The following CARD14 variants were observed in gnomAD, a reference collection of about 807,000 sequenced individuals.
CARD14 encodes caspase recruitment domain family member 14, also known as caspase recruitment domain-containing protein 14.
In CARD14, 107 loss-of-function variants were observed where a neutral mutation model predicts 111.5. That is an observed-to-expected ratio of 0.96 (90% CI 0.82 to 1.13). CARD14 has a LOEUF of 1.13. Ranked by LOEUF, CARD14 falls within the 50% of genes most tolerant of loss-of-function variation. The pLI is 0.00. For synonymous variants in CARD14, 617 were observed against 579.6 expected (o/e 1.06, Z -0.93); for missense variants, 1,322 against 1,362.3 (o/e 0.97, Z 0.47).
rs1298476908 is a variant in CARD14 at position 80,182,734 on chromosome 17, A to T, written c.293A>T (p.Asp98Val). The change falls in exon 6 of 24, where the codon GAC (aspartate) becomes GTC (valine). Residue 98 changes from aspartate (D) to valine (V), a missense_variant. Coordinates refer to ENST00000648509, the MANE Select transcript of CARD14 (RefSeq NM_001366385.1). This position sits in a 1 kb window ranked among gnomAD's most constrained non-coding sequence, Gnocchi z 4.7. ...GAGAGCCTGAAGTTCCACAACCCTG[A>T]CGTCTACACCCTGGTCACCGGGCTG... ...FLESLKFHNPDVYTLVTGLQP... is the reference protein window; with the variant it reads ...FLESLKFHNPVVYTLVTGLQP... The T allele has an allele frequency of 8.1e-6, 13 of 1,614,136 alleles. No individual in the cohort carries two copies. Among genetic ancestry groups the T allele is most frequent in the Non-Finnish European group, 1.1e-5 (13 of 1,180,010 alleles).
In CARD14 at chr17:80,198,105, C is replaced by T. The variant is rs754219698; in HGVS notation, c.1601C>T (p.Pro534Leu). ...DYELLDTADL[P>L]QLESSLQPVS... ...GCTCTTGGCTTCCTCCCAGACCTTC[C>T]GCAGCTGGAAAGCAGCCTGCAGCCA... is the stretch of plus-strand genomic sequence containing the variant. The change falls in exon 15 of 24, where the codon CCG (proline) becomes CTG (leucine). Residue 534 changes from proline (P) to leucine (L), a missense_variant. Coordinates refer to ENST00000648509, the MANE Select transcript of CARD14 (RefSeq NM_001366385.1). The surrounding 1 kb of genome is among the most constrained non-coding windows in gnomAD (Gnocchi z 7.5). 1.8e-5 allele frequency: 29 copies of T among 1,613,326 alleles called. No individual in the cohort carries two copies. Among genetic ancestry groups the T allele is most frequent in the Middle Eastern group, 1.7e-4 (1 of 5,984 alleles).
Position 80,184,179 on chromosome 17 carries a change from A to T in CARD14, c.616A>T (p.Ser206Cys). ...GATGCTCAGCCTCTCGCTGCACTATAGCAATGCGCTGCAGGAGAAGGAGCT... is the reference window on the plus strand; with the variant it reads ...GATGCTCAGCCTCTCGCTGCACTATTGCAATGCGCTGCAGGAGAAGGAGCT... Reference protein sequence around the residue: ...DEMLSLSLHYSNALQEKELAA... With the variant: ...DEMLSLSLHYCNALQEKELAA... Residue 206 changes from serine to cysteine, a missense_variant, in exon 7 of 24, where the codon AGC (serine) becomes TGC (cysteine). Physicochemically the swap from Ser to Cys is moderately radical, Grantham distance 112 (BLOSUM62 -1). Transcript: ENST00000648509. 6.4e-7 allele frequency: 1 copy of T among 1,562,248 alleles called. No individual in the cohort carries two copies. The highest frequency in any genetic ancestry group is 8.7e-7 in the Non-Finnish European group (1 of 1,153,338).
chr17:80,174,122 G>A (rs1011251903), intron 2 of CARD14, among the ~76,000 whole-genome samples: 1 of 152,116 alleles, frequency 6.6e-6, no homozygotes, highest in East Asian at 1.9e-4. Context: ...AGGAGTGCTT[G>A]AGCCCAGGAG....
chr17:80,205,635 G>T lies in CARD14; in HGVS notation c.2674G>T (p.Glu892Ter). The T allele has an allele frequency of 6.6e-7, 1 of 1,520,604 alleles. No homozygotes were observed. Among genetic ancestry groups the T allele is most frequent in the East Asian group, 2.5e-5 (1 of 40,154 alleles). 94.2% of individuals were successfully genotyped at this position (1,520,604 alleles called of 1,614,324 possible). The change falls in exon 22 of 24, where the codon GAG becomes TAG. Residue 892 changes from glutamate (E) to a stop codon, truncating the protein, a stop_gained. Transcript: ENST00000648509. LOFTEE classifies it high-confidence loss of function. The stretch of plus-strand genomic sequence containing the variant: ...CTGCTGGGTGACCCGCCATGCTGTG[G>T]AGTCCCTCATGGAAAAGGTGAGGTC... ...GRCWVTRHAV[E>*]SLMEKNTHAL...
At chr17:80,200,522 C>T (rs1419098371) in intron 16 of CARD14, among the ~76,000 whole-genome samples, 2 of 152,076 alleles carry the variant, frequency 1.3e-5, no homozygotes, top group Non-Finnish European at 2.9e-5. Context: ...CAGGCATCAG[C>T]CACCATGCCC....
Position 80,178,934 on chromosome 17 carries a change from C to T in CARD14, c.-218-170C>T, listed in dbSNP as rs149195866. Among the ~76,000 whole-genome samples, 20 of 152,232 alleles carry T rather than the reference C, an allele frequency of 1.3e-4. No individual in the cohort carries two copies. The East Asian group carries it at 2.5e-3, about 19-fold the overall frequency. Reference sequence around the variant, plus strand: ...CTAATTTTTGTATTTTCAATAGAGACGGGTTTCCACCATGTTGGTCAGGCT... The same window carrying T: ...CTAATTTTTGTATTTTCAATAGAGATGGGTTTCCACCATGTTGGTCAGGCT... On this transcript the variant is annotated intron_variant, in intron 3 of 23. Coordinates refer to ENST00000648509, the MANE Select transcript of CARD14 (RefSeq NM_001366385.1).
intron 7 of CARD14, chr17:80,187,987 A>G: frequency 1.0e-6 from 1 of 987,188 alleles, no homozygotes; most frequent in African/African-American, 1.7e-5. Flanking sequence ...CATGACTCCA[A>G]ATTCCCTTTC....
chr17:80,186,052 C>T (rs1225339975), intron 7 of CARD14, among the ~76,000 whole-genome samples: 4 of 152,232 alleles, frequency 2.6e-5, no homozygotes, highest in Non-Finnish European at 2.9e-5. Flanking sequence ...GGGTGTGGGG[C>T]GCTGAGACCA....
chr17:80,190,341 G>T (rs372630039), intron 9 of CARD14, among the ~76,000 whole-genome samples: 1 of 152,060 alleles, frequency 6.6e-6, no homozygotes, highest in Non-Finnish European at 1.5e-5. Context: ...GAGGCCGGGC[G>T]CGGTGGCCCA....
Position 80,189,385 on chromosome 17 carries a change from T to C in CARD14, c.844-368T>C, listed in dbSNP as rs1260767572. Among the ~76,000 whole-genome samples, 1 of 152,172 alleles carries C rather than the reference T, an allele frequency of 6.6e-6. No individual in the cohort carries two copies. Among genetic ancestry groups the C allele is most frequent in the East Asian group, 1.9e-4 (1 of 5,192 alleles). On this transcript the variant is annotated intron_variant, in intron 8 of 23. Transcript: ENST00000648509. This position sits in a 1 kb window ranked among gnomAD's most constrained non-coding sequence, Gnocchi z 4.7. ...TGGCCATCTTGCAGCCCGGATTGTG[T>C]CTCTGTTTATAAGCTCCTTCCTGGG...
rs759612018 is a variant in CARD14, at chr17:80,205,058, G to A, written c.2422G>A (p.Glu808Lys). 3.7e-5 allele frequency: 60 copies of A among 1,605,186 alleles called. No homozygotes were observed. The highest frequency in any genetic ancestry group is 5.1e-5 in the Admixed American group (3 of 59,290). Residue 808 changes from glutamate to lysine, a missense_variant, in exon 21 of 24, where the codon GAG (glutamate) becomes AAG (lysine). By Grantham distance (56) the Glu-to-Lys change is moderately conservative. Transcript: ENST00000648509. ...MEGSSTCFWAESCLTLVPYTL... is the reference protein window; with the variant it reads ...MEGSSTCFWAKSCLTLVPYTL... ...AGGCTCCAGCACGTGCTTCTGGGCCGAGAGCTGCCTCACCCTGGTGCCCTA... is the reference window on the plus strand; with the variant it reads ...AGGCTCCAGCACGTGCTTCTGGGCCAAGAGCTGCCTCACCCTGGTGCCCTA...
At position 80,203,562 on chromosome 17, in the gene CARD14, C is replaced by T; in HGVS notation, c.2220-260C>T. ...CTGTACGCTGGCTGCTCAACAGCAC[C>T]CCCTGGGTCCCGCCCCAGGACAAGT... On this transcript the variant is annotated intron_variant, in intron 18 of 23. Coordinates refer to ENST00000648509, the MANE Select transcript of CARD14 (RefSeq NM_001366385.1). This position sits in a 1 kb window ranked among gnomAD's most constrained non-coding sequence, Gnocchi z 4.6. 2.2e-6 allele frequency: 1 copy of T among 444,876 alleles called. No homozygotes were observed. The highest frequency in any genetic ancestry group is 4.0e-6 in the Non-Finnish European group (1 of 250,828). The allele number at this position is 444,876 out of a possible 1,614,324, so 27.6% of individuals were successfully genotyped here.
chr17:80,202,409 C>T lies in CARD14; in HGVS notation c.2208C>T (p.Pro736=). The change falls in exon 18 of 24, where the codon CCC becomes CCT. Residue 736 remains proline, a synonymous_variant. Coordinates refer to ENST00000648509, the MANE Select transcript of CARD14 (RefSeq NM_001366385.1). ...MKDTAAHGTI[P]NYSRAQQQLI... is the part of the protein sequence containing the mutation. Reference sequence around the variant, plus strand: ...ATACTGCCGCGCACGGCACCATCCCCAACTACTCCAGGTGAGCAGCTGCCT... The same window carrying T: ...ATACTGCCGCGCACGGCACCATCCCTAACTACTCCAGGTGAGCAGCTGCCT... The T allele has an allele frequency of 6.2e-7, 1 of 1,611,738 alleles. No individual in the cohort carries two copies. The highest frequency in any genetic ancestry group is 8.5e-7 in the Non-Finnish European group (1 of 1,179,008).
At chr17:80,184,262 GCGC>G (rs775768405) in intron 7 of CARD14, 24 bp downstream of exon 7, 26 of 1,486,138 alleles carry the variant, frequency 1.7e-5, no homozygotes, top group Non-Finnish European at 1.1e-5. Context: ...CTGCACCCCG[GCGC>G]GACCCTGCTG....
intron 10 of CARD14, 136 bp downstream of exon 10, chr17:80,191,035 A>AT (rs2040509595): frequency 5.6e-6 from 7 of 1,257,694 alleles, no homozygotes; most frequent in Non-Finnish European, 7.6e-6. Flanking sequence ...TCCTCGGTCC[A>AT]CACGAAGTTT....
chr17:80,193,415 C>CAGACAGTCCCCAG (rs1567884700), intron 12 of CARD14, among the ~76,000 whole-genome samples: 12 of 150,904 alleles, frequency 8.0e-5, no homozygotes, highest in African/African-American at 2.4e-4. Context: ...CAACCTGGCA[C>CAGACAGTCCCCAG]ACATGGTCCC....
chr17:80,191,236 C>A, intron 10 of CARD14, 87 bp from the exon 11 acceptor site: 2 of 1,503,132 alleles, frequency 1.3e-6, no homozygotes, highest in Non-Finnish European at 9.1e-7. Flanking sequence ...GTCAGATGAG[C>A]GCAGGCTAGA....
chr17:80,190,266 T>A (rs2040479099), intron 9 of CARD14, among the ~76,000 whole-genome samples: 1 of 152,104 alleles, frequency 6.6e-6, no homozygotes. Context: ...TTGTTTTAAT[T>A]CAGACGTAAT....
rs1437047924 is a variant in CARD14, at chr17:80,205,377, CG to C, written c.2570-150del. The C allele has an allele frequency of 3.4e-5, 40 of 1,189,322 alleles. No individual in the cohort carries two copies. The African/African-American group carries it at 4.4e-4, about 13-fold the overall frequency. 73.7% of individuals were successfully genotyped at this position (1,189,322 alleles called of 1,614,324 possible). ...CAGGATGGAGGTGCAGGGCACAGAG[CG>C]GGGTGTGCAGGGTCAGGTTTGTAAA... On this transcript the variant is annotated intron_variant, in intron 21 of 23. Transcript: ENST00000648509.
Sources: allele counts gnomAD v4.1 joint callset (sites outside exome capture counted in the v4.1 genomes callset), GRCh38; gene constraint gnomAD v4.1.1; non-coding constraint Gnocchi (gnomAD v3.1); transcripts MANE v1.5; gene names NCBI Gene and HGNC (gene_info 2026-07-23, HGNC 2026-07-21).